Variants in DMXL1 observed in about 807,000 individuals in gnomAD.
The protein encoded by DMXL1 is Dmx like 1, also known as dmX-like protein 1.
DMXL1 carries 99 observed loss-of-function variants against 319.2 expected under a neutral mutation model. The observed-to-expected ratio is 0.31, with a 90% CI of 0.26 to 0.37. The LOEUF (loss-of-function observed/expected upper bound fraction) is 0.37. Among genes scored for constraint, DMXL1 ranks in the 10% least tolerant of loss-of-function variants. The probability of loss-of-function intolerance (pLI) is 1.00; values close to 1 mark genes in which losing one functional copy is unlikely to be tolerated. For synonymous variants in DMXL1, 1,385 were observed against 1,235.2 expected (o/e 1.12, Z -2.54); for missense variants, 3,745 against 3,595.6 (o/e 1.04, Z -1.06).
chr5:119,131,712 A>G (rs1026515551), intron 10 of DMXL1, among the ~76,000 whole-genome samples: 1 of 152,224 alleles, frequency 6.6e-6, no homozygotes, highest in Non-Finnish European at 1.5e-5. Context: ...CCAGTTTAAT[A>G]TTAGGTCTTC....
chr5:119,101,433 A>T (rs1248782633), intron 2 of DMXL1, among the ~76,000 whole-genome samples: 1 of 152,328 alleles, frequency 6.6e-6, no homozygotes, highest in South Asian at 2.1e-4. Flanking sequence ...GAGCCAGGAA[A>T]GGTTATGATC....
At chr5:119,213,827 A>G (rs190884946) in intron 34 of DMXL1, among the ~76,000 whole-genome samples, 5 of 152,350 alleles carry the variant, frequency 3.3e-5, no homozygotes, top group African/African-American at 7.2e-5. Context: ...TCAATTATCT[A>G]TCTTCATATG....
Position 119,170,857 on chromosome 5 carries a change from T to C in DMXL1, c.6066T>C (p.Asp2022=), listed in dbSNP as rs770532248. 2 of 1,612,282 alleles carry C rather than the reference T, an allele frequency of 1.2e-6. No individual in the cohort carries two copies. The highest frequency in any genetic ancestry group is 1.7e-6 in the Non-Finnish European group (2 of 1,179,582). Residue 2022 remains aspartate (D), a synonymous_variant, in exon 24 of 44, where the codon GAT becomes GAC. Coordinates refer to ENST00000539542, the MANE Select transcript of DMXL1 (RefSeq NM_001290321.3). ...ATGACCTTTTAAATCCATCAGAAGA[T>C]ATAATTGCAGTTCAGTTAAAATTTA... ...DENDLLNPSE[D]IIAVQLKFRA... is the part of the protein sequence containing the mutation.
At chr5:119,091,532 C>T (rs549070224) in intron 1 of DMXL1, among the ~76,000 whole-genome samples, 1 of 152,236 alleles carries the variant, frequency 6.6e-6, no homozygotes, top group South Asian at 2.1e-4. Flanking sequence ...TGGATGCACA[C>T]CTATGTCTTT....
At chr5:119,225,487 T>C (rs988789056) in intron 38 of DMXL1, among the ~76,000 whole-genome samples, 3 of 152,064 alleles carry the variant, frequency 2.0e-5, no homozygotes, top group Admixed American at 2.0e-4. Flanking sequence ...CTTCGTCAAA[T>C]TGTCCTACTA....
chr5:119,196,515 G>GT (rs537016412), intron 31 of DMXL1, 59 bp downstream of exon 31: 84,096 of 550,322 alleles, frequency 0.15, 75 homozygotes, highest in South Asian at 0.18. Context: ...CTACTCTGTT[G>GT]TTTTTTTTTT....
chr5:119,114,732 G>A (rs1409322535), intron 6 of DMXL1, among the ~76,000 whole-genome samples, 191 bp downstream of exon 6: 1 of 152,064 alleles, frequency 6.6e-6, no homozygotes. Context: ...GCAGTGGCAC[G>A]ATCTCGGCTC....
At chr5:119,151,065 T>A in intron 18 of DMXL1, among the ~76,000 whole-genome samples, 1 of 152,162 alleles carries the variant, frequency 6.6e-6, no homozygotes, top group East Asian at 1.9e-4. Context: ...TTTAAGTACC[T>A]AAAAATGTGG....
chr5:119,178,879 A>G (rs112164192), intron 28 of DMXL1, among the ~76,000 whole-genome samples: 307 of 152,022 alleles, frequency 2.0e-3, no homozygotes, highest in African/African-American at 7.1e-3. Flanking sequence ...CTGCTATTTT[A>G]TTCTGCTTTT....
chr5:119,181,602 A>G (rs1776780436), intron 28 of DMXL1, among the ~76,000 whole-genome samples: 1 of 152,178 alleles, frequency 6.6e-6, no homozygotes, highest in African/African-American at 2.4e-5. Flanking sequence ...TGGGCAGATC[A>G]CCTGAGGTCA....
chr5:119,207,023 C>A (rs1781864610), intron 34 of DMXL1, 127 bp downstream of exon 34: 3 of 566,448 alleles, frequency 5.3e-6, no homozygotes, highest in Non-Finnish European at 8.9e-6. Context: ...TCAAATTATT[C>A]TCCTTTTATT....
intron 9 of DMXL1, among the ~76,000 whole-genome samples, chr5:119,125,371 A>G (rs1401760166): frequency 6.6e-6 from 1 of 152,210 alleles, no homozygotes; most frequent in African/African-American, 2.4e-5. Context: ...TACGGAAAGT[A>G]TAAAAAGGAA....
chr5:119,153,112 G>C (rs940124811), intron 19 of DMXL1, among the ~76,000 whole-genome samples: 28 of 151,982 alleles, frequency 1.8e-4, no homozygotes, highest in Middle Eastern at 3.2e-3. Context: ...GAATACCTGG[G>C]ACTACAGGCG....
intron 2 of DMXL1, among the ~76,000 whole-genome samples, chr5:119,099,784 C>A (rs1756826896): frequency 6.6e-6 from 1 of 152,102 alleles, no homozygotes; most frequent in Non-Finnish European, 1.5e-5. Flanking sequence ...GGGCAAATCG[C>A]TTGAGACCAG....
intron 10 of DMXL1, chr5:119,132,586 G>A (rs775399862): frequency 5.9e-5 from 16 of 271,810 alleles, no homozygotes; most frequent in Non-Finnish European, 1.0e-4. Flanking sequence ...AGGCTGAGGC[G>A]GAATTGCTTG....
chr5:119,171,403 T>C, intron 24 of DMXL1, 123 bp downstream of exon 24: 1 of 922,190 alleles, frequency 1.1e-6, no homozygotes, highest in Non-Finnish European at 1.6e-6. Flanking sequence ...GAAAGCTCCC[T>C]TTTGTGTGGT....
chr5:119,104,646 A>G (rs1757944104), intron 3 of DMXL1, among the ~76,000 whole-genome samples: 1 of 152,184 alleles, frequency 6.6e-6, no homozygotes, highest in Non-Finnish European at 1.5e-5. Context: ...ATTTATTTGT[A>G]TGTGTGTGTG....
chr5:119,160,095 T>G (rs1308169819), intron 19 of DMXL1, among the ~76,000 whole-genome samples: 2 of 152,096 alleles, frequency 1.3e-5, no homozygotes, highest in African/African-American at 4.8e-5. Context: ...TTCTTCCAAT[T>G]TTTGTTCCTT....
At chr5:119,227,252 A>AT (rs56150621) in intron 38 of DMXL1, among the ~76,000 whole-genome samples, 1 of 151,890 alleles carries the variant, frequency 6.6e-6, no homozygotes, top group South Asian at 2.1e-4. Context: ...TCCCTGTTTA[A>AT]TTTTTTTCCC....
Sources: gnomAD v4.1 joint callset for allele counts (sites outside exome capture counted in the v4.1 genomes callset) on GRCh38, gnomAD v4.1.1 for gene constraint, MANE v1.5 for transcripts, NCBI Gene and HGNC (gene_info 2026-07-23, HGNC 2026-07-21) for gene names.